Variants in SAP130 observed in about 807,000 individuals in gnomAD.
SAP130 encodes the protein Sin3A associated protein 130.
A neutral mutation model predicts 103.2 loss-of-function variants in SAP130; 16 were observed. That is an observed-to-expected ratio of 0.16 (90% CI 0.10 to 0.24). SAP130 has a LOEUF of 0.24. SAP130 is among the 10% of genes least tolerant of loss of function. SAP130 has a pLI of 1.00. For missense variants in SAP130, 990 were observed against 1,359.7 expected, an observed-to-expected ratio of 0.73 and a Z score of 4.28; for synonymous variants, 477 against 497.0, an observed-to-expected ratio of 0.96 and a Z score of 0.53.
chr2:127,965,748 C>A (rs990726948), intron 15 of SAP130, among the ~76,000 whole-genome samples: 1 of 152,014 alleles, frequency 6.6e-6, no homozygotes, highest in African/African-American at 2.4e-5. Flanking sequence ...CGAGATCATG[C>A]CACTGCACTC....
chr2:127,959,020 T>C (rs1374887452), intron 15 of SAP130, among the ~76,000 whole-genome samples: 1 of 152,094 alleles, frequency 6.6e-6, no homozygotes, highest in African/African-American at 2.4e-5. Context: ...GAGTGAGGAG[T>C]TGTGTTTCAG....
At chr2:127,976,093 G>T (rs755888604) in intron 15 of SAP130, among the ~76,000 whole-genome samples, 1 of 152,110 alleles carries the variant, frequency 6.6e-6, no homozygotes, top group Non-Finnish European at 1.5e-5. Context: ...TGATCTGCCC[G>T]CCTCGGCCTC....
At chr2:127,950,493 T>A in intron 16 of SAP130, 85 bp from the exon 17 acceptor site, 1 of 1,457,094 alleles carries the variant, frequency 6.9e-7, no homozygotes, top group Non-Finnish European at 9.5e-7. Flanking sequence ...CAAAGATGAT[T>A]AAGAAGACAG....
intron 18 of SAP130, among the ~76,000 whole-genome samples, chr2:127,945,928 T>C (rs1679047680): frequency 6.6e-6 from 1 of 152,206 alleles, no homozygotes; most frequent in African/African-American, 2.4e-5. Context: ...GTTGGGATTA[T>C]AGGCATGAGC....
In SAP130 at chr2:127,942,349, A is replaced by T; in HGVS notation, c.3015+75T>A. ...CTGAAGATATGAGGGAGACGGGGGG[A>T]AACGGGAGAAGTAGGGCTTTACAGA... On this transcript the variant is annotated intron_variant, in intron 20 of 20. Transcript: ENST00000643581. This position sits in a 1 kb window ranked among gnomAD's most constrained non-coding sequence, Gnocchi z 4.8. 8.6e-7 allele frequency: 1 copy of T among 1,166,026 alleles called. No individual in the cohort carries two copies. The highest frequency in any genetic ancestry group is 1.3e-5 in the South Asian group (1 of 79,314). 72.2% of individuals were successfully genotyped at this position (1,166,026 alleles called of 1,614,324 possible). A position where few individuals can be genotyped will look rare whatever the true frequency, so the allele number is the denominator to read the frequency against.
intron 10 of SAP130, among the ~76,000 whole-genome samples, chr2:127,997,135 T>G (rs542959946): frequency 6.6e-6 from 1 of 152,210 alleles, no homozygotes; most frequent in African/African-American, 2.4e-5. Flanking sequence ...CGATTTTATA[T>G]AATACTTTAG....
chr2:127,974,834 AT>A (rs1464228760), intron 15 of SAP130, among the ~76,000 whole-genome samples: 1 of 152,100 alleles, frequency 6.6e-6, no homozygotes, highest in Non-Finnish European at 1.5e-5. Context: ...AAAGATTATA[AT>A]TTCTATGTTT....
At chr2:127,976,868 T>A (rs1681498041) in intron 15 of SAP130, among the ~76,000 whole-genome samples, 1 of 152,098 alleles carries the variant, frequency 6.6e-6, no homozygotes, top group Non-Finnish European at 1.5e-5. Flanking sequence ...GCCACTGCAC[T>A]CCAGCCTGGT....
Position 127,950,014 on chromosome 2 carries a change from A to G in SAP130, c.2672-20T>C. ...CCTCATCTGTTAAAGAGAAGACATT[A>G]AACAACTTAGTAACACTGTCAACAA... On this transcript the variant is annotated intron_variant, in intron 17 of 20. Coordinates refer to ENST00000643581, the MANE Select transcript of SAP130 (RefSeq NM_001330301.2). 1 of 1,613,616 alleles carries G rather than the reference A, an allele frequency of 6.2e-7. No individual in the cohort carries two copies. Among genetic ancestry groups the G allele is most frequent in the African/African-American group, 1.3e-5 (1 of 75,024 alleles).
At chr2:128,027,068 A>G (rs1400652440) in intron 1 of SAP130, 1 of 1,411,456 alleles carries the variant, frequency 7.1e-7, no homozygotes, top group South Asian at 1.7e-5. Flanking sequence ...ACCCGACCAC[A>G]AGACGAGCAC....
intron 19 of SAP130, among the ~76,000 whole-genome samples, chr2:127,944,554 C>A (rs544497597): frequency 2.4e-4 from 37 of 151,824 alleles, no homozygotes; most frequent in Non-Finnish European, 4.9e-4. Context: ...CTCAGCCTCC[C>A]GAGTAGCTGG....
intron 1 of SAP130, chr2:128,027,036 G>C (rs1685552595): frequency 7.4e-7 from 1 of 1,355,428 alleles, no homozygotes; most frequent in Non-Finnish European, 9.7e-7. Context: ...CCGGGGTGGG[G>C]GTGCGGACGG....
intron 1 of SAP130, 145 bp from the exon 2 acceptor site, chr2:128,026,443 C>G (rs1258256836): frequency 1.7e-6 from 1 of 604,762 alleles, no homozygotes; most frequent in African/African-American, 1.8e-5. Context: ...AACTTGGGAT[C>G]AATATAAATG....
intron 2 of SAP130, among the ~76,000 whole-genome samples, chr2:128,021,374 G>C (rs1485125180): frequency 1.3e-5 from 2 of 151,156 alleles, no homozygotes; most frequent in African/African-American, 4.9e-5. Flanking sequence ...TTGAACCCGG[G>C]AGGTGGAGGT....
In SAP130 at chr2:128,026,231, G is replaced by C. The variant is rs138492245; in HGVS notation, c.62C>G (p.Ser21Cys). ...APSTGLSQAP[S>C]QIANSGSAGL... ...AGCAGAACCACTGTTTGCAATCTGA[G>C]AAGGGGCCTGGCTCAGCCCGGTAGA... Residue 21 changes from serine (S) to cysteine (C), a missense_variant, in exon 2 of 21, where the codon TCT (serine) becomes TGT (cysteine). Coordinates refer to ENST00000643581, the MANE Select transcript of SAP130 (RefSeq NM_001330301.2). The C allele has an allele frequency of 1.1e-4, 176 of 1,614,166 alleles. 1 individual carries two copies. In the African/African-American group the frequency reaches 2.1e-3, roughly 20 times the overall value.
intron 14 of SAP130, among the ~76,000 whole-genome samples, chr2:127,985,260 C>T (rs1257341932): frequency 6.6e-6 from 1 of 152,212 alleles, no homozygotes; most frequent in East Asian, 1.9e-4. Context: ...AATAAGGTAA[C>T]TTTGTCATGG....
rs1678810249 is a variant in SAP130 at position 127,942,910 on chromosome 2, C to A, written c.2902-373G>T. ...GGCTGAGGCAGGAGAATCGCTTGAA[C>A]CCGGGAGGCAGAGGTTGCAGTGAGC... On this transcript the variant is annotated intron_variant, in intron 19 of 20. Coordinates refer to ENST00000643581, the MANE Select transcript of SAP130 (RefSeq NM_001330301.2). This position sits in a 1 kb window ranked among gnomAD's most constrained non-coding sequence, Gnocchi z 4.8. Among the ~76,000 whole-genome samples the A allele has an allele frequency of 6.6e-6, 1 of 152,094 alleles. No homozygotes were observed. Among genetic ancestry groups the A allele is most frequent in the African/African-American group, 2.4e-5 (1 of 41,412 alleles).
chr2:128,019,652 A>AGAC (rs1685018998), intron 2 of SAP130, among the ~76,000 whole-genome samples: 1 of 152,178 alleles, frequency 6.6e-6, no homozygotes, highest in Non-Finnish European at 1.5e-5. Context: ...TTGGGAGGCC[A>AGAC]AGGTGGGGAG....
Position 128,017,917 on chromosome 2 carries a change from T to C in SAP130, c.113-2A>G, listed in dbSNP as rs1440360576. On this transcript the variant is annotated splice_acceptor_variant, in intron 2 of 20. Coordinates refer to ENST00000643581, the MANE Select transcript of SAP130 (RefSeq NM_001330301.2). LOFTEE classifies it high-confidence loss of function. ...AATCTCGACCAGATTCATCATTGACTAGTAAAGACATTAAGAGTGAGACAG... is the reference window on the plus strand; with the variant it reads ...AATCTCGACCAGATTCATCATTGACCAGTAAAGACATTAAGAGTGAGACAG... The C allele has an allele frequency of 6.2e-7, 1 of 1,611,848 alleles. No homozygotes were observed. Among genetic ancestry groups the C allele is most frequent in the African/African-American group, 1.3e-5 (1 of 75,002 alleles).
Sources: allele counts gnomAD v4.1 joint callset (sites outside exome capture counted in the v4.1 genomes callset), GRCh38; gene constraint gnomAD v4.1.1; non-coding constraint Gnocchi (gnomAD v3.1); transcripts MANE v1.5; gene names NCBI Gene and HGNC (gene_info 2026-07-23, HGNC 2026-07-21).